GRIN3A: variants seen among roughly 807,000 people sequenced by gnomAD.
GRIN3A encodes the protein glutamate receptor ionotropic, NMDA 3A.
Under a neutral mutation model 92.4 loss-of-function variants are expected in GRIN3A, and 47 were observed. The ratio of observed to expected loss-of-function variants is 0.51; its 90% CI spans 0.40 to 0.65. GRIN3A has a LOEUF of 0.65. Ranked by LOEUF, GRIN3A falls within the 30% of genes least tolerant of loss-of-function variation. GRIN3A has a pLI of 0.00. For synonymous variants in GRIN3A, 527 were observed against 540.6 expected (o/e 0.97, Z 0.35); for missense variants, 1,324 against 1,393.1 (o/e 0.95, Z 0.79).
chr9:101,645,029 A>G (rs1020558436), intron 3 of GRIN3A, among the ~76,000 whole-genome samples: 4 of 151,818 alleles, frequency 2.6e-5, no homozygotes, highest in Admixed American at 2.0e-4. Context: ...TTTTTCTTCT[A>G]GCTGTTTTGA....
intron 6 of GRIN3A, among the ~76,000 whole-genome samples, chr9:101,589,583 TTGCATATTTATTTA>T (rs1334857847): frequency 1.3e-5 from 2 of 152,226 alleles, no homozygotes; most frequent in Admixed American, 6.5e-5. Context: ...AATGACTTTT[TTGCATATTTATTTA>T]TGCATATCAG....
chr9:101,693,867 G>A (rs1403377276), intron 1 of GRIN3A, among the ~76,000 whole-genome samples: 1 of 152,148 alleles, frequency 6.6e-6, no homozygotes, highest in Admixed American at 6.6e-5. Context: ...GTTTGGAAAA[G>A]CTCACCTAAA....
intron 1 of GRIN3A, among the ~76,000 whole-genome samples, chr9:101,720,772 A>G (rs1346137804): frequency 6.6e-6 from 1 of 152,190 alleles, no homozygotes; most frequent in Non-Finnish European, 1.5e-5. Flanking sequence ...AAAATCATAC[A>G]CACATTTCTG....
intron 3 of GRIN3A, among the ~76,000 whole-genome samples, chr9:101,654,012 T>C (rs912626054): frequency 2.0e-5 from 3 of 151,878 alleles, no homozygotes; most frequent in Non-Finnish European, 2.9e-5. Context: ...TGGCAATCTT[T>C]GTATTCTCCA....
chr9:101,579,185 G>C lies in GRIN3A; in HGVS notation c.2931+11C>G, dbSNP rs781264833. ...TTAAGAATATTGGAGCAAGACACCT[G>C]TGGCACTCACCTGGCTGGTGTGGAG... On this transcript the variant is annotated intron_variant, in intron 7 of 8. Coordinates refer to ENST00000361820, the MANE Select transcript of GRIN3A (RefSeq NM_133445.3). The C allele has an allele frequency of 6.2e-7, 1 of 1,613,370 alleles. No homozygotes were observed. Among genetic ancestry groups the C allele is most frequent in the East Asian group, 2.2e-5 (1 of 44,860 alleles).
chr9:101,575,241 G>C (rs16920501), intron 8 of GRIN3A, among the ~76,000 whole-genome samples: 9,338 of 152,142 alleles, frequency 0.061, 368 homozygotes, highest in Admixed American at 0.097. Context: ...TCCTGGGCTG[G>C]GTAAAAGTTC....
Position 101,573,290 on chromosome 9 carries a change from C to G in GRIN3A, c.3232G>C (p.Glu1078Gln). The stretch of plus-strand genomic sequence containing the variant: ...ATCTGCTTCTCGAGCTCTGAGAGTT[C>G]CTGCATCACTGAGTTCCGAGATACA... The part of the protein sequence containing the change: ...LNVSRNSVMQ[E>Q]LSELEKQIQV... The change falls in exon 9 of 9, where the codon GAA becomes CAA. Residue 1078 changes from glutamate (E) to glutamine (Q), a missense_variant. By Grantham distance (29) the Glu-to-Gln change is conservative. Transcript: ENST00000361820. The G allele has an allele frequency of 6.2e-7, 1 of 1,614,026 alleles. No individual in the cohort carries two copies. The highest frequency in any genetic ancestry group is 1.6e-4 in the Middle Eastern group (1 of 6,062).
At chr9:101,710,709 C>T (rs1380545664) in intron 1 of GRIN3A, among the ~76,000 whole-genome samples, 2 of 152,180 alleles carry the variant, frequency 1.3e-5, no homozygotes, top group East Asian at 3.9e-4. Context: ...TTTTGCCAAA[C>T]AATTATGGTA....
chr9:101,671,007 G>A lies in GRIN3A; in HGVS notation c.1405C>T (p.Gln469Ter). The change falls in exon 3 of 9, where the codon CAA becomes TAA. Residue 469 changes from glutamine (Q) to a stop codon, truncating the protein, a stop_gained. Transcript: ENST00000361820. LOFTEE classifies it high-confidence loss of function. ...SENNFFIWNLQHDPMGKPMWT... is the reference protein window; with the variant it reads ...SENNFFIWNL Reference sequence around the variant, plus strand: ...ATTGGCTTTCCCATGGGGTCATGTTGAAGATTCCAGATGAAAAAGTTGTTT... The same window carrying A: ...ATTGGCTTTCCCATGGGGTCATGTTAAAGATTCCAGATGAAAAAGTTGTTT... 6.2e-7 allele frequency: 1 copy of A among 1,613,918 alleles called. No individual in the cohort carries two copies. The highest frequency in any genetic ancestry group is 8.5e-7 in the Non-Finnish European group (1 of 1,179,876).
intron 1 of GRIN3A, among the ~76,000 whole-genome samples, chr9:101,706,002 C>T (rs1321892191): frequency 5.9e-5 from 9 of 151,838 alleles, no homozygotes; most frequent in African/African-American, 1.5e-4. Flanking sequence ...TTAAAAAAAA[C>T]GAGAAGCAAG....
At chr9:101,667,393 C>A (rs1419514838) in intron 3 of GRIN3A, among the ~76,000 whole-genome samples, 1 of 151,886 alleles carries the variant, frequency 6.6e-6, no homozygotes, top group East Asian at 2.0e-4. Flanking sequence ...CAAATATTAC[C>A]TTATTAATTA....
At chr9:101,652,331 C>A (rs376741875) in intron 3 of GRIN3A, among the ~76,000 whole-genome samples, 1 of 151,862 alleles carries the variant, frequency 6.6e-6, no homozygotes, top group Non-Finnish European at 1.5e-5. Flanking sequence ...GTACTAGATT[C>A]TGGAAATAGG....
rs374369485 is a variant in GRIN3A at position 101,571,577 on chromosome 9, C to T, written c.*1597G>A. 4.7e-4 allele frequency: 72 copies of T among 152,156 alleles called. No individual in the cohort carries two copies. Among genetic ancestry groups the T allele is most frequent in the African/African-American group, 1.6e-3 (66 of 41,492 alleles). The allele number at this position is 152,156 out of a possible 1,614,324, so 9.4% of individuals were successfully genotyped here. On this transcript the variant is annotated 3_prime_UTR_variant, in exon 9 of 9. Transcript: ENST00000361820. Reference sequence around the variant, plus strand: ...AGGAAGTCTTGTCCTAAATGGTGCCCAGGGGTGGGGGTGAGGATGTTGAAG... The same window carrying T: ...AGGAAGTCTTGTCCTAAATGGTGCCTAGGGGTGGGGGTGAGGATGTTGAAG...
rs60257626 is a variant in GRIN3A at position 101,658,760 on chromosome 9, G to GTCTATCTATCTATCTATCTATCTA, written c.2352+11299_2352+11300insTAGATAGATAGATAGATAGATAGA. Among the ~76,000 whole-genome samples the GTCTATCTATCTATCTATCTATCTA allele has an allele frequency of 5.5e-3, 837 of 151,450 alleles. 4 individuals carry two copies. Among genetic ancestry groups the GTCTATCTATCTATCTATCTATCTA allele is most frequent in the East Asian group, 0.012 (63 of 5,078 alleles). On this transcript the variant is annotated intron_variant, in intron 3 of 8. Coordinates refer to ENST00000361820, the MANE Select transcript of GRIN3A (RefSeq NM_133445.3). The stretch of plus-strand genomic sequence containing the variant: ...TATTTGTCTATCTATCTGTCTATCT[G>GTCTATCTATCTATCTATCTATCTA]TCTATCTATCTATCTATCTATGTAT...
chr9:101,660,544 G>C (rs10989587), intron 3 of GRIN3A, among the ~76,000 whole-genome samples: 51,056 of 151,566 alleles, frequency 0.34, 9,468 homozygotes, highest in Non-Finnish European at 0.42. Context: ...GATTTAGTCT[G>C]TACTCTCATG....
At chr9:101,736,519 A>G (rs1830207673) in intron 1 of GRIN3A, among the ~76,000 whole-genome samples, 1 of 151,896 alleles carries the variant, frequency 6.6e-6, no homozygotes, top group Non-Finnish European at 1.5e-5. Context: ...TTCTTAGATG[A>G]TGGGGAGAGA....
chr9:101,616,926 C>G (rs1217134102), intron 5 of GRIN3A, among the ~76,000 whole-genome samples: 1 of 149,306 alleles, frequency 6.7e-6, no homozygotes, highest in African/African-American at 2.5e-5. Flanking sequence ...AAGGGCCGGG[C>G]GCAGTGGCTC....
intron 6 of GRIN3A, among the ~76,000 whole-genome samples, chr9:101,611,122 C>A (rs9792479): frequency 0.056 from 8,368 of 150,724 alleles, 320 homozygotes; most frequent in Admixed American, 0.086. Flanking sequence ...AACCAACCAA[C>A]CAAACAAAAA....
chr9:101,672,671 G>A (rs932512426), intron 2 of GRIN3A, among the ~76,000 whole-genome samples: 11 of 152,106 alleles, frequency 7.2e-5, no homozygotes, highest in African/African-American at 2.4e-4. Context: ...TGTGAAGTAC[G>A]TACTAATTTT....
Sources: gnomAD v4.1 joint callset for allele counts (sites outside exome capture counted in the v4.1 genomes callset) on GRCh38, gnomAD v4.1.1 for gene constraint, MANE v1.5 for transcripts, NCBI Gene and HGNC (gene_info 2026-07-23, HGNC 2026-07-21) for gene names.